Variants in VPS53 observed in about 807,000 individuals in gnomAD.
VPS53 encodes the protein vacuolar protein sorting-associated protein 53 homolog.
A neutral mutation model predicts 107.0 loss-of-function variants in VPS53; 70 were observed. The observed-to-expected ratio is 0.65, with a 90% confidence interval of 0.54 to 0.80. The LOEUF is 0.80. Ranked by LOEUF, VPS53 falls within the 30% of genes least tolerant of loss-of-function variation. The probability of loss-of-function intolerance (pLI) is 0.00; values close to 1 mark genes in which losing one functional copy is unlikely to be tolerated. For synonymous variants in VPS53, 409 were observed against 393.3 expected, an observed-to-expected ratio of 1.04 and a Z score of -0.47; for missense variants, 917 against 1,049.4, an observed-to-expected ratio of 0.87 and a Z score of 1.74.
intron 5 of VPS53, chr17:657,580 T>C: frequency 1.2e-6 from 1 of 869,090 alleles, no homozygotes. Flanking sequence ...AGGACCTTTG[T>C]CTTCCGGTGC....
At chr17:685,480 T>C (rs563330671) in intron 4 of VPS53, among the ~76,000 whole-genome samples, 1 of 152,280 alleles carries the variant, frequency 6.6e-6, no homozygotes, top group East Asian at 1.9e-4. Context: ...CATGAGCTAT[T>C]CAACACTTTA....
At chr17:661,252 T>C (rs1971422150) in intron 5 of VPS53, among the ~76,000 whole-genome samples, 1 of 151,480 alleles carries the variant, frequency 6.6e-6, no homozygotes, top group African/African-American at 2.4e-5. Flanking sequence ...CTGGGCACAG[T>C]GGCTCACACC....
intron 7 of VPS53, among the ~76,000 whole-genome samples, chr17:632,515 G>A (rs1970006968): frequency 6.6e-6 from 1 of 151,962 alleles, no homozygotes; most frequent in South Asian, 2.1e-4. Context: ...CTCCGTGTTA[G>A]GAACATTCCA....
chr17:640,392 G>T (rs187650894), intron 7 of VPS53, among the ~76,000 whole-genome samples: 1 of 152,078 alleles, frequency 6.6e-6, no homozygotes, highest in African/African-American at 2.4e-5. Context: ...TGTTTGGTGG[G>T]CTGCACCCAC....
At chr17:683,069 T>C (rs960835279) in intron 4 of VPS53, among the ~76,000 whole-genome samples, 7 of 152,070 alleles carry the variant, frequency 4.6e-5, no homozygotes, top group East Asian at 1.9e-4. Flanking sequence ...AAAAAAAGGA[T>C]TGGTGAACTT....
At chr17:714,003 C>A (rs986411600) in intron 1 of VPS53, 1 of 150,462 alleles carries the variant, frequency 6.6e-6, no homozygotes, top group African/African-American at 2.5e-5. Flanking sequence ...CGAGATCGTG[C>A]CGTTGCACTC....
intron 11 of VPS53, among the ~76,000 whole-genome samples, chr17:604,826 A>G (rs1968490161): frequency 6.6e-6 from 1 of 152,298 alleles, no homozygotes; most frequent in East Asian, 1.9e-4. Flanking sequence ...ATGTGGACCA[A>G]GTTAGTACAG....
At chr17:628,586 G>A (rs1969815214) in intron 8 of VPS53, among the ~76,000 whole-genome samples, 2 of 152,194 alleles carry the variant, frequency 1.3e-5, no homozygotes, top group African/African-American at 4.8e-5. Context: ...CTGCTGAAGA[G>A]GCCTAAGAGT....
chr17:606,128 G>A (rs896695280), intron 11 of VPS53, among the ~76,000 whole-genome samples: 6 of 152,090 alleles, frequency 3.9e-5, no homozygotes, highest in Admixed American at 6.5e-5. Context: ...AGTGTCCATC[G>A]GATTTGGGGC....
Position 653,294 on chromosome 17 carries a change from T to A in VPS53, c.605A>T (p.Glu202Val), listed in dbSNP as rs949834350. 6.2e-6 allele frequency: 10 copies of A among 1,613,868 alleles called. No individual in the cohort carries two copies. The highest frequency in any genetic ancestry group is 8.5e-6 in the Non-Finnish European group (10 of 1,180,008). ...MGIPQIRQLS[E>V]RVKAAQTELG... ...TTTCCCTCTGGTGACAGTTTACCTTTCGGAAAGCTGCCGGATCTGCGGAAT... is the reference window on the plus strand; with the variant it reads ...TTTCCCTCTGGTGACAGTTTACCTTACGGAAAGCTGCCGGATCTGCGGAAT... Residue 202 changes from glutamate (E) to valine (V), a missense_variant, in exon 7 of 22, where the codon GAA becomes GTA. By Grantham distance (121) the Glu-to-Val change is moderately radical (BLOSUM62 -2). Transcript: ENST00000437048.
chr17:658,053 A>C (rs1295396686), intron 5 of VPS53, among the ~76,000 whole-genome samples: 12 of 22,492 alleles, frequency 5.3e-4, no homozygotes, highest in South Asian at 2.7e-3. Context: ...GAAACTCGGC[A>C]GGGAGTTCGT....
chr17:562,732 G>C lies in VPS53; in HGVS notation c.1327C>G (p.Leu443Val). The C allele has an allele frequency of 6.2e-7, 1 of 1,611,106 alleles. No individual in the cohort carries two copies. The highest frequency in any genetic ancestry group is 1.1e-5 in the South Asian group (1 of 90,900). Residue 443 changes from leucine (L) to valine (V), a missense_variant, in exon 14 of 22, where the codon CTG becomes GTG. By Grantham distance (32) the Leu-to-Val change is conservative. Coordinates refer to ENST00000437048, the MANE Select transcript of VPS53 (RefSeq NM_001128159.3). ...IESQDKNLGE[L>V]IDRFVADFKA... ...AAATCAGCCACAAACCGATCTATCA[G>C]CTCTCCGAGGTTCCTAGGAGGAAAA...
At position 697,583 on chromosome 17, in the gene VPS53, A is replaced by T. The variant is rs1044485475; in HGVS notation, c.219-99T>A. On this transcript the variant is annotated intron_variant, in intron 3 of 21. Coordinates refer to ENST00000437048, the MANE Select transcript of VPS53 (RefSeq NM_001128159.3). The stretch of plus-strand genomic sequence containing the variant: ...AAGTAATTTATTCATCAACTTCTGC[A>T]GACTGCACCTAATTGTCCAGAAAAC... 8.3e-6 allele frequency: 8 copies of T among 961,096 alleles called. No individual in the cohort carries two copies. In the African/African-American group the frequency reaches 1.1e-4, roughly 14 times the overall value. The allele number at this position is 961,096 out of a possible 1,614,324, so 59.5% of individuals were successfully genotyped here.
In VPS53 at chr17:664,544, C is replaced by T. The variant is rs540518111; in HGVS notation, c.286-2649G>A. Among the ~76,000 whole-genome samples, 6 of 152,184 alleles carry T rather than the reference C, an allele frequency of 3.9e-5. No individual in the cohort carries two copies. In the East Asian group the frequency reaches 5.8e-4, roughly 15 times the overall value. On this transcript the variant is annotated intron_variant, in intron 4 of 21. Coordinates refer to ENST00000437048, the MANE Select transcript of VPS53 (RefSeq NM_001128159.3). The stretch of plus-strand genomic sequence containing the variant: ...GGAGAGGTGGGCACGAGCCAGAGCA[C>T]GGAGGCCTCAAAGCATAAGGATTCT...
chr17:702,480 G>A lies in VPS53; in HGVS notation c.169-3100C>T, dbSNP rs377222032. ...AGTTCGAGACCAGCCAGGCCAATAT[G>A]GTGAAACCCCGTCTCTACTAAAAAT... is the stretch of plus-strand genomic sequence containing the variant. On this transcript the variant is annotated intron_variant, in intron 2 of 21. Transcript: ENST00000437048. Among the ~76,000 whole-genome samples the A allele has an allele frequency of 4.9e-4, 75 of 151,972 alleles. 1 individual carries two copies. Among genetic ancestry groups the A allele is most frequent in the Non-Finnish European group, 9.6e-4 (65 of 68,000 alleles).
intron 4 of VPS53, among the ~76,000 whole-genome samples, chr17:682,408 C>T (rs1167913865): frequency 6.6e-6 from 1 of 152,086 alleles, no homozygotes; most frequent in African/African-American, 2.4e-5. Context: ...CTAAAGGTAA[C>T]CAAGCATCCT....
In VPS53 at chr17:623,569, T is replaced by C; in HGVS notation, c.1080A>G (p.Lys360=). The C allele has an allele frequency of 6.2e-7, 1 of 1,613,602 alleles. No homozygotes were observed. ...RTTNFEGFLA[K]RFSGCTLTDG... ...CGGTCAGGGTGCAGCCGGAGAAGCG[T>C]TTTGCAAGAAACCCCTCAAAGTTAG... Residue 360 remains lysine (K), a synonymous_variant, in exon 11 of 22, where the codon AAA becomes AAG. Coordinates refer to ENST00000437048, the MANE Select transcript of VPS53 (RefSeq NM_001128159.3).
At position 547,139 on chromosome 17, in the gene VPS53, C is replaced by T. The variant is rs560642766; in HGVS notation, c.1866+4733G>A. 3.0e-4 allele frequency among the ~76,000 whole-genome samples: 45 copies of T among 152,170 alleles called. 1 individual carries two copies. The highest frequency in any genetic ancestry group is 4.1e-4 in the African/African-American group (17 of 41,530). ...TGATCTGCCCACCTCGGCCTCCCAA[C>T]GTGCTGGGATTACGGGCATGAGCCA... On this transcript the variant is annotated intron_variant, in intron 17 of 21. Coordinates refer to ENST00000437048, the MANE Select transcript of VPS53 (RefSeq NM_001128159.3).
chr17:675,758 CT>C (rs1972132385), intron 4 of VPS53: 2 of 129,918 alleles, frequency 1.5e-5, no homozygotes. Context: ...CAGGGCGAGA[CT>C]CCCATCTCAA....
Sources: gnomAD v4.1 joint callset for allele counts (sites outside exome capture counted in the v4.1 genomes callset) on GRCh38, gnomAD v4.1.1 for gene constraint, MANE v1.5 for transcripts, NCBI Gene and HGNC (gene_info 2026-07-23, HGNC 2026-07-21) for gene names.